Variants in CLCN1 observed in about 807,000 individuals in gnomAD.
CLCN1 encodes the protein chloride channel protein 1.
CLCN1 carries 100 observed loss-of-function variants against 114.5 expected under a neutral mutation model. The observed-to-expected ratio is 0.87, with a 90% confidence interval of 0.74 to 1.03. CLCN1 has a LOEUF of 1.03. CLCN1 is among the 50% of genes least tolerant of loss of function. The probability of loss-of-function intolerance (pLI) is 0.00; values close to 1 mark genes in which losing one functional copy is unlikely to be tolerated. For missense variants in CLCN1, 1,188 were observed against 1,250.0 expected, an observed-to-expected ratio of 0.95 and a Z score of 0.75; for synonymous variants, 485 against 487.1, an observed-to-expected ratio of 1.00 and a Z score of 0.06.
intron 12 of CLCN1, among the ~76,000 whole-genome samples, chr7:143,333,600 G>C (rs1802789496): frequency 1.3e-5 from 2 of 152,088 alleles, no homozygotes; most frequent in Admixed American, 6.6e-5. Context: ...GGTGATTTGA[G>C]CATCTTTTTT....
rs573758917 is a variant in CLCN1, at chr7:143,332,630, C to T, written c.1252-94C>T. 37 of 1,550,652 alleles carry T rather than the reference C, an allele frequency of 2.4e-5. 1 individual carries two copies. In the South Asian group the frequency reaches 4.1e-4, roughly 17 times the overall value. On this transcript the variant is annotated intron_variant, in intron 11 of 22. Coordinates refer to ENST00000343257, the MANE Select transcript of CLCN1 (RefSeq NM_000083.3). The stretch of plus-strand genomic sequence containing the variant: ...CTCCCTGAGAAAAGGGCAAAAGAGA[C>T]CCTTGAATAATGAGGCTGGGGAATA...
chr7:143,346,698 C>A lies in CLCN1; in HGVS notation c.2364+40C>A, dbSNP rs1803259723. 7 of 1,536,218 alleles carry A rather than the reference C, an allele frequency of 4.6e-6. No individual in the cohort carries two copies. In the East Asian group the frequency reaches 1.6e-4, roughly 35 times the overall value. On this transcript the variant is annotated intron_variant, in intron 19 of 22. Coordinates refer to ENST00000343257, the MANE Select transcript of CLCN1 (RefSeq NM_000083.3). ...GTTTGGGGATACAGGGGAAAGGGAGCCTGCCCTTGAAGAGTGAGAAACCCA... is the reference window on the plus strand; with the variant it reads ...GTTTGGGGATACAGGGGAAAGGGAGACTGCCCTTGAAGAGTGAGAAACCCA...
chr7:143,322,811 G>A lies in CLCN1; in HGVS notation c.697-498G>A, dbSNP rs111383568. The stretch of plus-strand genomic sequence containing the variant: ...GCTGGGATTACAGGCGTGCGCCACC[G>A]CGCCCGGCCTTATCAGAACTTCTTG... On this transcript the variant is annotated intron_variant, in intron 5 of 22. Transcript: ENST00000343257. Among the ~76,000 whole-genome samples the A allele has an allele frequency of 9.2e-3, 1,397 of 152,352 alleles. 10 individuals carry two copies. Among genetic ancestry groups the A allele is most frequent in the African/African-American group, 0.032 (1,318 of 41,590 alleles).
At position 143,332,832 on chromosome 7, in the gene CLCN1, G is replaced by A. The variant is rs1410524240; in HGVS notation, c.1360G>A (p.Val454Ile). 1.2e-6 allele frequency: 2 copies of A among 1,614,054 alleles called. No individual in the cohort carries two copies. Among genetic ancestry groups the A allele is most frequent in the Non-Finnish European group, 1.7e-6 (2 of 1,180,040 alleles). Residue 454 changes from valine (V) to isoleucine (I), a missense_variant, in exon 12 of 23, where the codon GTC (valine) becomes ATC (isoleucine). Coordinates refer to ENST00000343257, the MANE Select transcript of CLCN1 (RefSeq NM_000083.3). ...GQSAVWIHPR[V>I]NVVIIIFLFF... ...GTCAGCTGTGTGGATTCACCCCCGG[G>A]TCAACGTTGTCATCATCATCTTTCT...
At position 143,324,016 on chromosome 7, in the gene CLCN1, C is replaced by T. The variant is rs1351827857; in HGVS notation, c.775-398C>T. Reference sequence around the variant, plus strand: ...GAATGACTGTGGATCACAGCCCCTGCGGTCCAGATACCTATATTTTTTCAG... The same window carrying T: ...GAATGACTGTGGATCACAGCCCCTGTGGTCCAGATACCTATATTTTTTCAG... On this transcript the variant is annotated intron_variant, in intron 6 of 22. Coordinates refer to ENST00000343257, the MANE Select transcript of CLCN1 (RefSeq NM_000083.3). The surrounding 1 kb of genome is among the most constrained non-coding windows in gnomAD (Gnocchi z 4.6). 4 of 385,456 alleles carry T rather than the reference C, an allele frequency of 1.0e-5. No homozygotes were observed. The highest frequency in any genetic ancestry group is 2.1e-5 in the African/African-American group (1 of 47,750). 23.9% of individuals were successfully genotyped at this position (385,456 alleles called of 1,614,324 possible).
chr7:143,321,429 C>A lies in CLCN1; in HGVS notation c.498C>A (p.Thr166=). ...CTCTGCAGTTCCTGGTCTGGGTCACCTTCCCACTAGTCCTCATCCTCTTCA... is the reference window on the plus strand; with the variant it reads ...CTCTGCAGTTCCTGGTCTGGGTCACATTCCCACTAGTCCTCATCCTCTTCA... The part of the protein sequence containing the change: ...SLPLQFLVWV[T]FPLVLILFSA... Residue 166 remains threonine, a synonymous_variant, in exon 4 of 23, where the codon ACC becomes ACA. Transcript: ENST00000343257. The surrounding 1 kb of genome is among the most constrained non-coding windows in gnomAD (Gnocchi z 4.2). 7.4e-6 allele frequency: 12 copies of A among 1,614,194 alleles called. No homozygotes were observed. Among genetic ancestry groups the A allele is most frequent in the Non-Finnish European group, 1.0e-5 (12 of 1,180,032 alleles).
chr7:143,318,101 T>C (rs1315228652), intron 1 of CLCN1, among the ~76,000 whole-genome samples: 1 of 152,170 alleles, frequency 6.6e-6, no homozygotes, highest in African/African-American at 2.4e-5. Flanking sequence ...AATGGAATGG[T>C]ATAGTGAAGC....
chr7:143,341,559 AAATAATAATAATT>A (rs1803074107), intron 14 of CLCN1, among the ~76,000 whole-genome samples: 1 of 78,910 alleles, frequency 1.3e-5, no homozygotes, highest in Non-Finnish European at 2.4e-5. Context: ...ACTCTGCCTC[AAATAATAATAATT>A]AATAATAATA....
intron 1 of CLCN1, 133 bp from the exon 2 acceptor site, chr7:143,319,622 A>T (rs1431359577): frequency 4.4e-5 from 39 of 896,046 alleles, no homozygotes; most frequent in Non-Finnish European, 6.3e-5. Flanking sequence ...CCACAAAGTC[A>T]CCCTGCATGC....
Position 143,345,582 on chromosome 7 carries a change from C to G in CLCN1, c.1992C>G (p.His664Gln), listed in dbSNP as rs1450962123. The change falls in exon 17 of 23, where the codon CAC becomes CAG. Residue 664 changes from histidine to glutamine, a missense_variant. By Grantham distance (24) the His-to-Gln change is conservative (BLOSUM62 0). Coordinates refer to ENST00000343257, the MANE Select transcript of CLCN1 (RefSeq NM_000083.3). The stretch of plus-strand genomic sequence containing the variant: ...AACTGCAGGCCCTCCTGCAGCGCCA[C>G]CTGTGTCCTGAGCGCAGGCTGCGCG... Reference protein sequence around the residue: ...RSELQALLQRHLCPERRLRAA... With the variant: ...RSELQALLQRQLCPERRLRAA... 6.4e-7 allele frequency: 1 copy of G among 1,550,490 alleles called. No homozygotes were observed. The highest frequency in any genetic ancestry group is 8.7e-7 in the Non-Finnish European group (1 of 1,146,868).
At chr7:143,340,183 T>G (rs1368762992) in intron 14 of CLCN1, among the ~76,000 whole-genome samples, 5 of 152,192 alleles carry the variant, frequency 3.3e-5, no homozygotes, top group African/African-American at 1.2e-4. Context: ...CCTCCCTTCC[T>G]CAGCAAAATC....
At position 143,345,659 on chromosome 7, in the gene CLCN1, C is replaced by A; in HGVS notation, c.2069C>A (p.Ala690Glu). 1 of 1,565,534 alleles carries A rather than the reference C, an allele frequency of 6.4e-7. No homozygotes were observed. Among genetic ancestry groups the A allele is most frequent in the Non-Finnish European group, 8.7e-7 (1 of 1,155,872 alleles). The change falls in exon 17 of 23, where the codon GCG becomes GAG. Residue 690 changes from alanine (A) to glutamate (E), a missense_variant. Physicochemically the swap from Ala to Glu is moderately radical, Grantham distance 107. Coordinates refer to ENST00000343257, the MANE Select transcript of CLCN1 (RefSeq NM_000083.3). ...TCGGAGCTGCCTTACGACGGGAAGG[C>A]GCGGCTGGCTGGGGAGGGGCTCCCC... ...KLSELPYDGK[A>E]RLAGEGLPGA...
At chr7:143,331,695 G>A (rs1209683330) in intron 10 of CLCN1, 43 bp downstream of exon 10, 1 of 1,382,552 alleles carries the variant, frequency 7.2e-7, no homozygotes, top group Non-Finnish European at 1.0e-6. Context: ...TTACTTTCTG[G>A]TTTCTCCAAG....
chr7:143,344,100 A>G (rs1412209863), intron 16 of CLCN1, among the ~76,000 whole-genome samples: 1 of 152,214 alleles, frequency 6.6e-6, no homozygotes, highest in African/African-American at 2.4e-5. Context: ...TTGGCCTCCC[A>G]AAGTGCTGGG....
Position 143,351,722 on chromosome 7 carries a change from C to T in CLCN1, c.2724C>T (p.Asn908=), listed in dbSNP as rs139117651. ...GAPPSSAENW[N]LPEDRPGATG... ...CTCCATCTTCTGCAGAGAACTGGAACCTGCCTGAGGACAGGCCTGGGGCCA... is the reference window on the plus strand; with the variant it reads ...CTCCATCTTCTGCAGAGAACTGGAATCTGCCTGAGGACAGGCCTGGGGCCA... Residue 908 remains asparagine, a synonymous_variant, in exon 23 of 23, where the codon AAC becomes AAT. Transcript: ENST00000343257. The T allele has an allele frequency of 6.2e-7, 1 of 1,614,192 alleles. No individual in the cohort carries two copies. The highest frequency in any genetic ancestry group is 8.5e-7 in the Non-Finnish European group (1 of 1,180,032).
rs1803416790 is a variant in CLCN1 at position 143,351,785 on chromosome 7, C to T, written c.2787C>T (p.Thr929=). 6.2e-7 allele frequency: 1 copy of T among 1,614,132 alleles called. No individual in the cohort carries two copies. Among genetic ancestry groups the T allele is most frequent in the South Asian group, 1.1e-5 (1 of 91,080 alleles). The part of the protein sequence containing the change: ...TGDVIAASPE[T]PVPSPSPEPP... ...ATGTGATTGCTGCCTCCCCAGAGAC[C>T]CCTGTGCCATCTCCTTCCCCAGAGC... The change falls in exon 23 of 23, where the codon ACC becomes ACT. Residue 929 remains threonine (T), a synonymous_variant. Coordinates refer to ENST00000343257, the MANE Select transcript of CLCN1 (RefSeq NM_000083.3).
chr7:143,326,037 G>T (rs1408997010), intron 7 of CLCN1, among the ~76,000 whole-genome samples: 6 of 151,762 alleles, frequency 4.0e-5, no homozygotes, highest in African/African-American at 1.5e-4. Context: ...TGTTTGTTTA[G>T]ATGGAGTCTT....
Position 143,350,577 on chromosome 7 carries a change from C to T in CLCN1, c.2518C>T (p.Leu840=). The T allele has an allele frequency of 6.2e-7, 1 of 1,614,138 alleles. No individual in the cohort carries two copies. Among genetic ancestry groups the T allele is most frequent in the Non-Finnish European group, 8.5e-7 (1 of 1,179,986 alleles). The change falls in exon 22 of 23, where the codon CTG becomes TTG. Residue 840 remains leucine (L), a synonymous_variant. Coordinates refer to ENST00000343257, the MANE Select transcript of CLCN1 (RefSeq NM_000083.3). This position sits in a 1 kb window ranked among gnomAD's most constrained non-coding sequence, Gnocchi z 5.1. ...EQTTLHKTHT[L]FSLLGLHLAY... ...TGCTCTTCATCCTCAGACTCATACCCTGTTTTCACTCCTTGGCCTCCACCT... is the reference window on the plus strand; with the variant it reads ...TGCTCTTCATCCTCAGACTCATACCTTGTTTTCACTCCTTGGCCTCCACCT...
Position 143,321,688 on chromosome 7 carries a change from C to T in CLCN1, c.563-27C>T, listed in dbSNP as rs185444578. 6.2e-7 allele frequency: 1 copy of T among 1,614,164 alleles called. No homozygotes were observed. Among genetic ancestry groups the T allele is most frequent in the Admixed American group, 1.7e-5 (1 of 60,030 alleles). ...CTCCCTTTTCACCTTCACCTTGACC[C>T]TGCACATAATCTTTCAACGCTTTTA... On this transcript the variant is annotated intron_variant, in intron 4 of 22. Transcript: ENST00000343257. The surrounding 1 kb of genome is among the most constrained non-coding windows in gnomAD (Gnocchi z 4.2).
Sources: allele counts gnomAD v4.1 joint callset (sites outside exome capture counted in the v4.1 genomes callset), GRCh38; gene constraint gnomAD v4.1.1; non-coding constraint Gnocchi (gnomAD v3.1); transcripts MANE v1.5; gene names NCBI Gene and HGNC (gene_info 2026-07-23, HGNC 2026-07-21).